The following ZNF264 variants were observed in gnomAD, a reference collection of about 807,000 sequenced individuals.
The protein encoded by ZNF264 is zinc finger protein 264.
In ZNF264, 11 loss-of-function variants were observed where a neutral mutation model predicts 11.2. That is an observed-to-expected ratio of 0.98 (90% confidence interval 0.62 to 1.63). ZNF264 has a LOEUF of 1.63. Among genes scored for constraint, ZNF264 ranks in the 40% most tolerant of loss-of-function variants. The probability of loss-of-function intolerance (pLI) is 0.00; values close to 1 mark genes in which losing one functional copy is unlikely to be tolerated. For missense variants in ZNF264, 752 were observed against 768.1 expected, an observed-to-expected ratio of 0.98 and a Z score of 0.25; for synonymous variants, 309 against 279.8, an observed-to-expected ratio of 1.10 and a Z score of -1.04.
rs1019109183 is a variant in ZNF264, at chr19:57,213,555, A to G, written c.*574A>G. 4 of 152,188 alleles carry G rather than the reference A, an allele frequency of 2.6e-5. No individual in the cohort carries two copies. Among genetic ancestry groups the G allele is most frequent in the Non-Finnish European group, 5.9e-5 (4 of 68,036 alleles). 9.4% of individuals were successfully genotyped at this position (152,188 alleles called of 1,614,324 possible). ...TGCCCGTCTTTTGGTTTACGTCATCATTGTAGCCATATGGTAAATTTTTAT... is the reference window on the plus strand; with the variant it reads ...TGCCCGTCTTTTGGTTTACGTCATCGTTGTAGCCATATGGTAAATTTTTAT... On this transcript the variant is annotated 3_prime_UTR_variant, in exon 4 of 4. Coordinates refer to ENST00000263095, the MANE Select transcript of ZNF264 (RefSeq NM_003417.5).
In ZNF264 at chr19:57,212,169, C is replaced by T. The variant is rs1288351158; in HGVS notation, c.1072C>T (p.Leu358Phe). ...CGKVFKHRSY[L>F]MWHQQTHTGE... ...CAAGGTCTTCAAACACAGGTCATAT[C>T]TCATGTGGCACCAGCAGACTCATAC... Residue 358 changes from leucine (L) to phenylalanine (F), a missense_variant, in exon 4 of 4, where the codon CTC (leucine) becomes TTC (phenylalanine). By Grantham distance (22) the Leu-to-Phe change is conservative. Transcript: ENST00000263095. 3.7e-6 allele frequency: 6 copies of T among 1,614,062 alleles called. No homozygotes were observed. Among genetic ancestry groups the T allele is most frequent in the Non-Finnish European group, 4.2e-6 (5 of 1,180,046 alleles).
chr19:57,221,359 T>C lies in ZNF264; in HGVS notation c.*8378T>C, dbSNP rs2087416066. The C allele has an allele frequency of 6.6e-6, 1 of 152,214 alleles. No homozygotes were observed. The allele number at this position is 152,214 out of a possible 1,614,324, so 9.4% of individuals were successfully genotyped here. A position where few individuals can be genotyped will look rare whatever the true frequency, so the allele number is the denominator to read the frequency against. On this transcript the variant is annotated 3_prime_UTR_variant, in exon 4 of 4. Coordinates refer to ENST00000263095, the MANE Select transcript of ZNF264 (RefSeq NM_003417.5). ...CCACCGCACCTGGCCTACCTGGGCT[T>C]TTTTGGACAGATGTACATGATTTTA...
At chr19:57,198,375 G>A (rs2087227596) in intron 2 of ZNF264, among the ~76,000 whole-genome samples, 1 of 151,936 alleles carries the variant, frequency 6.6e-6, no homozygotes, top group African/African-American at 2.4e-5. Context: ...GTCCTTGATG[G>A]TGGCACTAAT....
In ZNF264 at chr19:57,212,552, C is replaced by G. The variant is rs145421065; in HGVS notation, c.1455C>G (p.Cys485Trp). ...ACACTGGAGAGAAGCCCTATGAGTG[C>G]GTGGAGTGTGGAAAGGCCTTCACCC... Reference protein sequence around the residue: ...SIHTGEKPYECVECGKAFTRM... With the variant: ...SIHTGEKPYEWVECGKAFTRM... Residue 485 changes from cysteine to tryptophan, a missense_variant, in exon 4 of 4, where the codon TGC (cysteine) becomes TGG (tryptophan). Transcript: ENST00000263095. 9.9e-6 allele frequency: 16 copies of G among 1,614,016 alleles called. No individual in the cohort carries two copies. The South Asian group carries it at 1.6e-4, about 17-fold the overall frequency.
chr19:57,205,564 A>C (rs933714822), intron 3 of ZNF264, 72 bp downstream of exon 3: 23 of 1,358,666 alleles, frequency 1.7e-5, no homozygotes, highest in Middle Eastern at 1.8e-4. Context: ...TGGCCCTGGA[A>C]TCTCTTGGGA....
chr19:57,200,065 A>G (rs980302751), intron 2 of ZNF264, among the ~76,000 whole-genome samples: 1 of 151,872 alleles, frequency 6.6e-6, no homozygotes, highest in African/African-American at 2.4e-5. Flanking sequence ...AGAAGCAGAT[A>G]CTAAGCCTCA....
chr19:57,196,435 G>A (rs1214336118), intron 2 of ZNF264, among the ~76,000 whole-genome samples: 1 of 151,936 alleles, frequency 6.6e-6, no homozygotes, highest in East Asian at 1.9e-4. Context: ...CAGGTAGCTG[G>A]CTGATCACCC....
At position 57,212,350 on chromosome 19, in the gene ZNF264, A is replaced by G; in HGVS notation, c.1253A>G (p.Gln418Arg). Residue 418 changes from glutamine (Q) to arginine (R), a missense_variant, in exon 4 of 4, where the codon CAG (glutamine) becomes CGG (arginine). Gln to Arg is a conservative substitution (Grantham distance 43). Transcript: ENST00000263095. ...FNHRSYLKRH[Q>R]RIHTGEKPFV... ...CACCGATCCTACCTCAAGAGGCACCAGCGGATTCACACTGGGGAGAAGCCC... is the reference window on the plus strand; with the variant it reads ...CACCGATCCTACCTCAAGAGGCACCGGCGGATTCACACTGGGGAGAAGCCC... 1.2e-6 allele frequency: 2 copies of G among 1,614,008 alleles called. No individual in the cohort carries two copies. The highest frequency in any genetic ancestry group is 1.7e-6 in the Non-Finnish European group (2 of 1,180,006).
intron 3 of ZNF264, among the ~76,000 whole-genome samples, chr19:57,207,817 C>T (rs2087304899): frequency 6.6e-6 from 1 of 151,924 alleles, no homozygotes; most frequent in African/African-American, 2.4e-5. Flanking sequence ...ACCTCCGCCT[C>T]CCAGGTTCAA....
At chr19:57,191,998 G>T (rs2087176948) in intron 1 of ZNF264, 52 bp downstream of exon 1, 2 of 1,478,918 alleles carry the variant, frequency 1.4e-6, no homozygotes, top group Non-Finnish European at 1.8e-6. Flanking sequence ...CGCTGAGGCG[G>T]TTTCCGAAGT....
At chr19:57,208,299 C>T (rs1254804300) in intron 3 of ZNF264, among the ~76,000 whole-genome samples, 1 of 152,122 alleles carries the variant, frequency 6.6e-6, no homozygotes. Flanking sequence ...AATCCCAGCA[C>T]TTTGGGATGC....
At chr19:57,200,426 G>A (rs1321200424) in intron 2 of ZNF264, among the ~76,000 whole-genome samples, 1 of 148,668 alleles carries the variant, frequency 6.7e-6, no homozygotes, top group Non-Finnish European at 1.5e-5. Context: ...GGGCAACATA[G>A]TGAGACCCTG....
intron 2 of ZNF264, among the ~76,000 whole-genome samples, chr19:57,196,917 G>C (rs887309314): frequency 5.9e-5 from 9 of 151,916 alleles, no homozygotes; most frequent in African/African-American, 2.2e-4. Context: ...TCCTTCCATG[G>C]AAAGTGCACA....
rs926036344 is a variant in ZNF264, at chr19:57,212,904, A to G, written c.1807A>G (p.Ile603Val). ...DFLNVTTEAN[I>V]LPEETSSSAS... ...TTTGAATGTAACCACTGAGGCAAAT[A>G]TTTTGCCAGAGGAAACATCTTCCTC... is the stretch of plus-strand genomic sequence containing the variant. The change falls in exon 4 of 4, where the codon ATT becomes GTT. Residue 603 changes from isoleucine (I) to valine (V), a missense_variant. Ile to Val is a conservative substitution (Grantham distance 29). Transcript: ENST00000263095. The G allele has an allele frequency of 1.2e-6, 2 of 1,614,140 alleles. No individual in the cohort carries two copies. Among genetic ancestry groups the G allele is most frequent in the African/African-American group, 1.3e-5 (1 of 75,046 alleles).
In ZNF264 at chr19:57,207,264, C is replaced by T. The variant is rs139741842; in HGVS notation, c.256+1772C>T. ...CCAGCCAAGTAGACAGTTTTTGTCT[C>T]CAGGCACAGATGTCTCAGCATGTGA... On this transcript the variant is annotated intron_variant, in intron 3 of 3. Coordinates refer to ENST00000263095, the MANE Select transcript of ZNF264 (RefSeq NM_003417.5). 2.3e-3 allele frequency among the ~76,000 whole-genome samples: 357 copies of T among 152,290 alleles called. 2 individuals are homozygous for T. Among genetic ancestry groups the T allele is most frequent in the African/African-American group, 8.3e-3 (343 of 41,562 alleles).
intron 3 of ZNF264, 112 bp from the exon 4 acceptor site, chr19:57,211,242 T>C (rs2087332524): frequency 9.1e-7 from 1 of 1,096,208 alleles, no homozygotes; most frequent in Admixed American, 2.9e-5. Context: ...ATACAGAAAA[T>C]AGCAACACAG....
rs1281507522 is a variant in ZNF264 at position 57,215,314 on chromosome 19, A to G, written c.*2333A>G. 19 of 152,134 alleles carry G rather than the reference A, an allele frequency of 1.2e-4. No individual in the cohort carries two copies. The highest frequency in any genetic ancestry group is 1.2e-3 in the Admixed American group (19 of 15,284). 9.4% of individuals were successfully genotyped at this position (152,134 alleles called of 1,614,324 possible). ...GTCTGTCCTGTTGAAGGAATATTTC[A>G]TCTGTATTTGTAGCACTCCCTTATT... On this transcript the variant is annotated 3_prime_UTR_variant, in exon 4 of 4. Transcript: ENST00000263095.
chr19:57,211,931 G>A lies in ZNF264; in HGVS notation c.834G>A (p.Gln278=). ...FNRKSYLTQH[Q]RIHSGEKPYK... is the part of the protein sequence containing the mutation. ...GCAAGTCATACCTTACCCAGCACCA[G>A]CGGATTCACAGTGGAGAGAAGCCTT... Residue 278 remains glutamine (Q), a synonymous_variant, in exon 4 of 4, where the codon CAG becomes CAA. Transcript: ENST00000263095. 6.2e-7 allele frequency: 1 copy of A among 1,613,862 alleles called. No individual in the cohort carries two copies. Among genetic ancestry groups the A allele is most frequent in the Non-Finnish European group, 8.5e-7 (1 of 1,179,974 alleles).
intron 2 of ZNF264, among the ~76,000 whole-genome samples, chr19:57,200,469 C>T (rs1266009177): frequency 6.6e-6 from 1 of 150,430 alleles, no homozygotes; most frequent in Non-Finnish European, 1.5e-5. Context: ...AAAAAAGCCA[C>T]TCAGTACCCT....
Sources: allele counts gnomAD v4.1 joint callset (sites outside exome capture counted in the v4.1 genomes callset), GRCh38; gene constraint gnomAD v4.1.1; transcripts MANE v1.5; gene names NCBI Gene and HGNC (gene_info 2026-07-23, HGNC 2026-07-21).